The following NCAM1 variants were observed in gnomAD, a reference collection of about 807,000 sequenced individuals.
The protein encoded by NCAM1 is antigen recognized by monoclonal antibody 5.1H11.
In NCAM1, 14 loss-of-function variants were observed where a neutral mutation model predicts 109.8. The ratio of observed to expected loss-of-function variants is 0.13; its 90% CI spans 0.08 to 0.20. The LOEUF is 0.20. Ranked by LOEUF, NCAM1 falls within the 10% of genes least tolerant of loss-of-function variation. The pLI is 1.00. For missense variants in NCAM1, 774 were observed against 1,109.9 expected (o/e 0.70, Z 4.30); for synonymous variants, 418 against 442.9 (o/e 0.94, Z 0.70).
At chr11:113,089,509 T>G (rs556879601) in intron 1 of NCAM1, among the ~76,000 whole-genome samples, 132 of 152,238 alleles carry the variant, frequency 8.7e-4, no homozygotes, top group Middle Eastern at 3.4e-3. Context: ...TTGCCCAAGC[T>G]GGATTCAAAC....
intron 1 of NCAM1, among the ~76,000 whole-genome samples, chr11:113,003,385 A>C (rs974338797): frequency 6.6e-6 from 1 of 152,212 alleles, no homozygotes; most frequent in African/African-American, 2.4e-5. Context: ...TCTTCATCCA[A>C]CTCTCAAACT....
intron 1 of NCAM1, among the ~76,000 whole-genome samples, chr11:113,129,980 C>T (rs1414737900): frequency 6.6e-6 from 1 of 152,178 alleles, no homozygotes; most frequent in African/African-American, 2.4e-5. Context: ...CGTTTTTTAA[C>T]AGCACTAACA....
At chr11:113,238,761 CT>C (rs1253187951) in intron 14 of NCAM1, among the ~76,000 whole-genome samples, 7 of 152,230 alleles carry the variant, frequency 4.6e-5, no homozygotes, top group African/African-American at 1.4e-4. Context: ...CACTGCACCC[CT>C]GTCCTGTAAT....
At chr11:113,092,368 A>G (rs1320427639) in intron 1 of NCAM1, among the ~76,000 whole-genome samples, 2 of 152,190 alleles carry the variant, frequency 1.3e-5, no homozygotes, top group African/African-American at 4.8e-5. Context: ...CTGAAAGATG[A>G]GTAGCTACCA....
chr11:113,257,750 C>T (rs1235572393), intron 16 of NCAM1, among the ~76,000 whole-genome samples: 2 of 152,236 alleles, frequency 1.3e-5, no homozygotes, highest in African/African-American at 2.4e-5. Flanking sequence ...TATAATATAA[C>T]ATTTTCTCTA....
chr11:113,064,293 C>T (rs1354966324), intron 1 of NCAM1, among the ~76,000 whole-genome samples: 1 of 152,156 alleles, frequency 6.6e-6, no homozygotes, highest in African/African-American at 2.4e-5. Context: ...TTAGGAAAAC[C>T]AGTTTCTCAG....
intron 14 of NCAM1, chr11:113,235,422 G>A (rs1398666307): frequency 1.2e-5 from 9 of 753,022 alleles, no homozygotes; most frequent in Non-Finnish European, 2.1e-5. Context: ...AACAGTGAAG[G>A]GGAAGGCACC....
chr11:112,998,891 G>A (rs1339266729), intron 1 of NCAM1, among the ~76,000 whole-genome samples: 2 of 152,028 alleles, frequency 1.3e-5, no homozygotes, highest in Non-Finnish European at 2.9e-5. Context: ...ATAAAGTAAC[G>A]TGTTTTAAAA....
intron 1 of NCAM1, among the ~76,000 whole-genome samples, chr11:112,994,460 GA>G (rs2134873311): frequency 6.6e-6 from 1 of 152,268 alleles, no homozygotes; most frequent in Non-Finnish European, 1.5e-5. Context: ...GTGGACCTTT[GA>G]AAATTCATTT....
At chr11:113,052,746 A>C (rs1241346772) in intron 1 of NCAM1, among the ~76,000 whole-genome samples, 1 of 152,148 alleles carries the variant, frequency 6.6e-6, no homozygotes, top group Admixed American at 6.5e-5. Context: ...GGTTTATTAC[A>C]TAGGTAAACG....
At chr11:113,012,575 C>T (rs2135139067) in intron 1 of NCAM1, among the ~76,000 whole-genome samples, 1 of 152,286 alleles carries the variant, frequency 6.6e-6, no homozygotes, top group Admixed American at 6.5e-5. Flanking sequence ...CTTGACAGCT[C>T]TAGGGAAGTA....
At chr11:113,203,100 G>T (rs905997033) in intron 2 of NCAM1, among the ~76,000 whole-genome samples, 12 of 152,172 alleles carry the variant, frequency 7.9e-5, no homozygotes, top group African/African-American at 1.9e-4. Flanking sequence ...GGAGGAAAAG[G>T]TTTCAAATTA....
intron 1 of NCAM1, among the ~76,000 whole-genome samples, chr11:113,121,101 T>G (rs1449510629): frequency 3.9e-5 from 6 of 152,044 alleles, no homozygotes; most frequent in African/African-American, 1.5e-4. Flanking sequence ...ATAAGGAAAC[T>G]TCAAAGAACT....
At chr11:113,234,555 T>C (rs782145243) in intron 13 of NCAM1, among the ~76,000 whole-genome samples, 1 of 152,264 alleles carries the variant, frequency 6.6e-6, no homozygotes, top group Non-Finnish European at 1.5e-5. Flanking sequence ...TGTCCTTTTG[T>C]GGCTAGCTTA....
At chr11:113,236,665 C>T (rs1473186191) in intron 14 of NCAM1, among the ~76,000 whole-genome samples, 1 of 152,224 alleles carries the variant, frequency 6.6e-6, no homozygotes, top group Non-Finnish European at 1.5e-5. Context: ...ACGCTATAGC[C>T]CCGCCTCACC....
In NCAM1 at chr11:112,976,527, C is replaced by T. The variant is rs1240643578; in HGVS notation, c.52+14863C>T. Among the ~76,000 whole-genome samples, 3 of 151,864 alleles carry T rather than the reference C, an allele frequency of 2.0e-5. No individual in the cohort carries two copies. In the East Asian group the frequency reaches 5.8e-4, roughly 29 times the overall value. On this transcript the variant is annotated intron_variant, in intron 1 of 19. Coordinates refer to ENST00000316851, the MANE Select transcript of NCAM1 (RefSeq NM_181351.5). ...GTATGTCTGCGGCTGTCTGGAGAAT[C>T]CAGGTGCTTAAGTGCCTTGGACTAG...
rs371118738 is a variant in NCAM1 at position 113,232,128 on chromosome 11, A to G, written c.1241-42A>G. 6.9e-4 allele frequency: 1,058 copies of G among 1,525,894 alleles called. 4 individuals are homozygous for G. The highest frequency in any genetic ancestry group is 5.1e-3 in the South Asian group (394 of 76,844). The allele number at this position is 1,525,894 out of a possible 1,614,324, so 94.5% of individuals were successfully genotyped here. On this transcript the variant is annotated intron_variant, in intron 10 of 19. Transcript: ENST00000316851. The stretch of plus-strand genomic sequence containing the variant: ...AGGAGACAGGATATGGGGGCTTCAT[A>G]ATCATGGCAGTCATCCTGACAGTCA...
intron 16 of NCAM1, 100 bp from the exon 17 acceptor site, chr11:113,260,046 A>G (rs1003621454): frequency 3.0e-5 from 32 of 1,064,896 alleles, no homozygotes; most frequent in Admixed American, 1.1e-4. Context: ...GCCAAAAGTT[A>G]TTGAGTCCCG....
At chr11:113,151,042 A>G (rs1942207080) in intron 1 of NCAM1, among the ~76,000 whole-genome samples, 1 of 152,206 alleles carries the variant, frequency 6.6e-6, no homozygotes, top group Admixed American at 6.5e-5. Context: ...CCAGTGAGAC[A>G]AAGCAGTATT....
Sources: allele counts gnomAD v4.1 joint callset (sites outside exome capture counted in the v4.1 genomes callset), GRCh38; gene constraint gnomAD v4.1.1; transcripts MANE v1.5; gene names NCBI Gene and HGNC (gene_info 2026-07-23, HGNC 2026-07-21).